Variants in BOC observed in about 807,000 individuals in gnomAD.
BOC encodes the protein brother of CDO.
Under a neutral mutation model 112.0 loss-of-function variants are expected in BOC, and 76 were observed. The observed-to-expected ratio is 0.68, with a 90% CI of 0.56 to 0.82. The LOEUF is 0.82. Among genes scored for constraint, BOC ranks in the 40% least tolerant of loss-of-function variants. BOC has a pLI of 0.00. For synonymous variants in BOC, 580 were observed against 599.8 expected (o/e 0.97, Z 0.48); for missense variants, 1,309 against 1,511.7 (o/e 0.87, Z 2.22).
chr3:113,242,636 G>T (rs1944449355), intron 2 of BOC, among the ~76,000 whole-genome samples: 1 of 151,902 alleles, frequency 6.6e-6, no homozygotes, highest in African/African-American at 2.4e-5. Context: ...TAAATTCTGG[G>T]TTCAGTGAGA....
intron 2 of BOC, among the ~76,000 whole-genome samples, chr3:113,217,016 G>T (rs368817909): frequency 6.6e-6 from 1 of 152,224 alleles, no homozygotes; most frequent in Non-Finnish European, 1.5e-5. Context: ...GACAGTATTG[G>T]ACAAGATGAA....
At chr3:113,268,194 G>A (rs570326170) in intron 4 of BOC, 105 bp from the exon 5 acceptor site, 2 of 1,510,944 alleles carry the variant, frequency 1.3e-6, no homozygotes, top group South Asian at 2.6e-5. Context: ...ATCCCCCTAG[G>A]TGTGAGCTTT....
At position 113,278,884 on chromosome 3, in the gene BOC, G is replaced by A. The variant is rs1205047163; in HGVS notation, c.1816+101G>A. ...GGGGTCTTGCTTCTGTAGGTCCAGG[G>A]TTTTTATGACATCTCCCAGTTAACC... On this transcript the variant is annotated intron_variant, in intron 11 of 19. Coordinates refer to ENST00000682979, the MANE Select transcript of BOC (RefSeq NM_001378074.1). The surrounding 1 kb of genome is among the most constrained non-coding windows in gnomAD (Gnocchi z 4.2). 9 of 988,170 alleles carry A rather than the reference G, an allele frequency of 9.1e-6. No homozygotes were observed. In the East Asian group the frequency reaches 2.1e-4, roughly 23 times the overall value. 61.2% of individuals were successfully genotyped at this position (988,170 alleles called of 1,614,324 possible).
chr3:113,242,783 A>T (rs530666915), intron 2 of BOC, among the ~76,000 whole-genome samples: 3 of 152,192 alleles, frequency 2.0e-5, no homozygotes, highest in South Asian at 4.2e-4. Context: ...GTAAGACCCA[A>T]TCTCAGTGTC....
intron 2 of BOC, among the ~76,000 whole-genome samples, chr3:113,239,938 C>T (rs192567903): frequency 1.3e-4 from 20 of 152,288 alleles, no homozygotes; most frequent in Admixed American, 1.1e-3. Flanking sequence ...CACAAAGTCC[C>T]GTTAGACCCA....
intron 4 of BOC, among the ~76,000 whole-genome samples, chr3:113,266,728 G>A (rs1219921601): frequency 6.6e-6 from 1 of 152,188 alleles, no homozygotes; most frequent in Non-Finnish European, 1.5e-5. Flanking sequence ...AGGGGACACA[G>A]ACAGGAACAA....
chr3:113,264,818 G>A (rs938537450), intron 4 of BOC, among the ~76,000 whole-genome samples: 3 of 152,186 alleles, frequency 2.0e-5, no homozygotes, highest in Middle Eastern at 3.2e-3. Context: ...GGAGGCACGG[G>A]GGGAGGGGGG....
intron 19 of BOC, among the ~76,000 whole-genome samples, chr3:113,286,457 C>T (rs1245452313): frequency 6.6e-6 from 1 of 152,134 alleles, no homozygotes; most frequent in Non-Finnish European, 1.5e-5. Context: ...TCTCTACAGT[C>T]CCAGCATGAG....
chr3:113,250,001 G>A, intron 3 of BOC, 102 bp downstream of exon 3: 1 of 989,912 alleles, frequency 1.0e-6, no homozygotes, highest in Non-Finnish European at 1.5e-6. Context: ...GGATTTCAAA[G>A]AACACTTTAT....
At chr3:113,283,358 G>A in intron 15 of BOC, 53 bp from the exon 16 acceptor site, 1 of 1,503,790 alleles carries the variant, frequency 6.6e-7, no homozygotes, top group South Asian at 1.3e-5. Flanking sequence ...TATTTGTTGT[G>A]AAGGAAATAT....
intron 2 of BOC, among the ~76,000 whole-genome samples, chr3:113,238,806 A>G (rs1480003393): frequency 2.0e-5 from 3 of 152,266 alleles, no homozygotes; most frequent in African/African-American, 7.2e-5. Context: ...CTGTGAGAAT[A>G]TAAAATTCGA....
chr3:113,220,159 C>G (rs987869703), intron 2 of BOC, among the ~76,000 whole-genome samples: 2 of 152,168 alleles, frequency 1.3e-5, no homozygotes, highest in Admixed American at 1.3e-4. Context: ...GAAGATGGTA[C>G]CTTCCAGGCA....
At chr3:113,232,731 G>A (rs949884554) in intron 2 of BOC, among the ~76,000 whole-genome samples, 1 of 152,216 alleles carries the variant, frequency 6.6e-6, no homozygotes. Context: ...TACTGGGGAT[G>A]AATCTGCAGT....
intron 2 of BOC, among the ~76,000 whole-genome samples, chr3:113,217,762 T>C (rs1553191): frequency 0.33 from 50,047 of 151,730 alleles, 8,584 homozygotes; most frequent in Middle Eastern, 0.51. Flanking sequence ...TTCAGCATAG[T>C]TTTTTTTTAA....
intron 2 of BOC, among the ~76,000 whole-genome samples, chr3:113,224,775 G>A (rs1457433816): frequency 1.3e-5 from 2 of 152,054 alleles, no homozygotes; most frequent in East Asian, 1.9e-4. Flanking sequence ...CCTGGCCAAC[G>A]TGGCGAAACC....
chr3:113,229,408 C>T (rs1401870925), intron 2 of BOC, among the ~76,000 whole-genome samples: 1 of 152,218 alleles, frequency 6.6e-6, no homozygotes, highest in Non-Finnish European at 1.5e-5. Flanking sequence ...AAACATCCCA[C>T]CTCTGCTAGC....
intron 4 of BOC, among the ~76,000 whole-genome samples, chr3:113,257,342 G>A (rs1191339095): frequency 6.6e-6 from 1 of 152,152 alleles, no homozygotes; most frequent in Non-Finnish European, 1.5e-5. Flanking sequence ...AGACCCTGTT[G>A]CCCCAGCCCC....
chr3:113,214,094 T>A (rs1224523165), intron 1 of BOC, among the ~76,000 whole-genome samples: 1 of 152,220 alleles, frequency 6.6e-6, no homozygotes, highest in Admixed American at 6.5e-5. Flanking sequence ...GAAAAGAGGT[T>A]GCTAGAAGCC....
At chr3:113,219,977 C>A (rs1576318591) in intron 2 of BOC, among the ~76,000 whole-genome samples, 1 of 152,036 alleles carries the variant, frequency 6.6e-6, no homozygotes, top group Admixed American at 6.5e-5. Context: ...AATCCTTTTG[C>A]TCCTAGGATC....
Sources: allele counts gnomAD v4.1 joint callset (sites outside exome capture counted in the v4.1 genomes callset), GRCh38; gene constraint gnomAD v4.1.1; non-coding constraint Gnocchi (gnomAD v3.1); transcripts MANE v1.5; gene names NCBI Gene and HGNC (gene_info 2026-07-23, HGNC 2026-07-21).